Variants in ZMYND11 observed in about 807,000 individuals in gnomAD.
ZMYND11 encodes zinc finger MYND domain-containing protein 11.
Under a neutral mutation model 84.9 loss-of-function variants are expected in ZMYND11, and 9 were observed. That is an observed-to-expected ratio of 0.11 (90% CI 0.06 to 0.18). The LOEUF (loss-of-function observed/expected upper bound fraction) is 0.18, where lower values mean the gene tolerates loss of function less well. Among genes scored for constraint, ZMYND11 ranks in the 10% least tolerant of loss-of-function variants. The pLI, the probability that ZMYND11 is intolerant of heterozygous loss-of-function variation, is 1.00. For missense variants in ZMYND11, 409 were observed against 761.0 expected (o/e 0.54, Z 5.44); for synonymous variants, 250 against 244.1 (o/e 1.02, Z -0.23).
chr10:169,193 C>T (rs1237773408), intron 1 of ZMYND11, among the ~76,000 whole-genome samples: 1 of 152,070 alleles, frequency 6.6e-6, no homozygotes, highest in African/African-American at 2.4e-5. Flanking sequence ...GCTTCAACCC[C>T]CTCCAGTCAT....
chr10:206,771 A>G (rs1944246893), intron 2 of ZMYND11, among the ~76,000 whole-genome samples: 1 of 152,124 alleles, frequency 6.6e-6, no homozygotes, highest in Non-Finnish European at 1.5e-5. Context: ...TTATCACTTT[A>G]TCACTACGTA....
Position 204,929 on chromosome 10 carries a change from A to T in ZMYND11, c.117-4960A>T, listed in dbSNP as rs138806235. On this transcript the variant is annotated intron_variant, in intron 2 of 14. Coordinates refer to ENST00000381604, the MANE Select transcript of ZMYND11 (RefSeq NM_001370100.5). ...TTCAAATATTTTATGTAGGATTTTT[A>T]TATCACTATTTCTACAGGTCACTGA... Among the ~76,000 whole-genome samples the T allele has an allele frequency of 9.4e-3, 1,422 of 151,840 alleles. 17 individuals are homozygous for T. The highest frequency in any genetic ancestry group is 0.012 in the Non-Finnish European group (830 of 67,924).
At chr10:199,929 A>G (rs948016421) in intron 2 of ZMYND11, among the ~76,000 whole-genome samples, 1 of 151,442 alleles carries the variant, frequency 6.6e-6, no homozygotes, top group Non-Finnish European at 1.5e-5. Flanking sequence ...CAGTGGTGTG[A>G]TCACGACTCA....
chr10:223,446 CCTTT>C (rs1473668454), intron 4 of ZMYND11, among the ~76,000 whole-genome samples: 8 of 152,216 alleles, frequency 5.3e-5, no homozygotes, highest in South Asian at 4.1e-4. Context: ...CTTCTCTTTT[CCTTT>C]CTTTTTGCCT....
intron 4 of ZMYND11, among the ~76,000 whole-genome samples, chr10:236,182 A>T (rs776215805): frequency 6.6e-6 from 1 of 152,222 alleles, no homozygotes; most frequent in Non-Finnish European, 1.5e-5. Flanking sequence ...GACTTTGACT[A>T]AGGAAATAGG....
At position 237,536 on chromosome 10, in the gene ZMYND11, C is replaced by T. The variant is rs560230887; in HGVS notation, c.517-49C>T. ...TTGAGCTTTAGGAATTGATGTCTTACCTGCCTTCCTTTAACCACATTTAAA... is the reference window on the plus strand; with the variant it reads ...TTGAGCTTTAGGAATTGATGTCTTATCTGCCTTCCTTTAACCACATTTAAA... On this transcript the variant is annotated intron_variant, in intron 5 of 14. Coordinates refer to ENST00000381604, the MANE Select transcript of ZMYND11 (RefSeq NM_001370100.5). 19 of 1,179,810 alleles carry T rather than the reference C, an allele frequency of 1.6e-5. No homozygotes were observed. In the Admixed American group the frequency reaches 3.0e-4, roughly 19 times the overall value. The allele number at this position is 1,179,810 out of a possible 1,614,324, so 73.1% of individuals were successfully genotyped here.
At chr10:141,374 A>AT (rs1268091875) in intron 1 of ZMYND11, among the ~76,000 whole-genome samples, 1 of 152,310 alleles carries the variant, frequency 6.6e-6, no homozygotes, top group East Asian at 1.9e-4. Flanking sequence ...AGAGTAACAC[A>AT]TTTACTGAAG....
intron 2 of ZMYND11, among the ~76,000 whole-genome samples, chr10:182,811 A>G (rs1463975281): frequency 1.3e-5 from 2 of 152,182 alleles, no homozygotes; most frequent in African/African-American, 4.8e-5. Flanking sequence ...GCATTATGGC[A>G]GGAAGTCAGA....
chr10:140,583 AC>A, intron 1 of ZMYND11, among the ~76,000 whole-genome samples: 1 of 152,370 alleles, frequency 6.6e-6, no homozygotes, highest in South Asian at 2.1e-4. Context: ...TCAAAAAATA[AC>A]CTAATTAGAT....
intron 4 of ZMYND11, among the ~76,000 whole-genome samples, chr10:224,649 C>T (rs1344134860): frequency 1.3e-5 from 2 of 152,088 alleles, no homozygotes; most frequent in Non-Finnish European, 2.9e-5. Context: ...GTGTGTGTGT[C>T]ATTTTGTTTG....
At position 252,217 on chromosome 10, in the gene ZMYND11, G is replaced by A. The variant is rs1253638391; in HGVS notation, c.1687-131G>A. On this transcript the variant is annotated intron_variant, in intron 14 of 14. Transcript: ENST00000381604. The surrounding 1 kb of genome is among the most constrained non-coding windows in gnomAD (Gnocchi z 4.6). ...CCTTTCCATCTGCTGTGCATAAAACGTATTCAGATTCCACAAAAGGTTGAG... is the reference window on the plus strand; with the variant it reads ...CCTTTCCATCTGCTGTGCATAAAACATATTCAGATTCCACAAAAGGTTGAG... 5.2e-6 allele frequency: 6 copies of A among 1,143,892 alleles called. No homozygotes were observed. The highest frequency in any genetic ancestry group is 1.6e-5 in the African/African-American group (1 of 64,064). The allele number at this position is 1,143,892 out of a possible 1,614,324, so 70.9% of individuals were successfully genotyped here.
At chr10:135,335 C>T (rs1274098311), upstream of ZMYND11, 2 of 150,916 alleles carry the variant, frequency 1.3e-5, no homozygotes, top group Admixed American at 6.6e-5. This position sits in a 1 kb window ranked among gnomAD's most constrained non-coding sequence, Gnocchi z 5.6. Context: ...CCCCTCGAGC[C>T]CGGAGCCCTT....
upstream of ZMYND11, chr10:135,124 C>T (rs1330563144): frequency 6.6e-6 from 1 of 150,490 alleles, no homozygotes; most frequent in Non-Finnish European, 1.5e-5. The surrounding 1 kb of genome is among the most constrained non-coding windows in gnomAD (Gnocchi z 5.6). Flanking sequence ...CGCGGGGACC[C>T]AACTTTCCCG....
chr10:139,847 G>A (rs1363368722), intron 1 of ZMYND11, among the ~76,000 whole-genome samples: 1 of 151,830 alleles, frequency 6.6e-6, no homozygotes, highest in African/African-American at 2.4e-5. Flanking sequence ...AAGTAGCTGG[G>A]ACTACAGGCA....
At chr10:207,230 G>A (rs1167966800) in intron 2 of ZMYND11, among the ~76,000 whole-genome samples, 1 of 152,114 alleles carries the variant, frequency 6.6e-6, no homozygotes, top group Non-Finnish European at 1.5e-5. Context: ...TCTTAATCCA[G>A]TCTATCACTC....
chr10:239,592 A>G (rs1950549297), intron 7 of ZMYND11, 67 bp downstream of exon 7: 7 of 1,091,896 alleles, frequency 6.4e-6, no homozygotes, highest in Non-Finnish European at 9.6e-6. Flanking sequence ...GTTGAACACT[A>G]TCTTTTATAA....
chr10:227,003 C>T (rs369424630), intron 4 of ZMYND11, among the ~76,000 whole-genome samples: 11 of 152,204 alleles, frequency 7.2e-5, no homozygotes, highest in African/African-American at 2.4e-4. Context: ...TTAAGGATCA[C>T]AAGTTTTAAA....
At chr10:230,302 G>C (rs1169657003) in intron 4 of ZMYND11, among the ~76,000 whole-genome samples, 2 of 151,740 alleles carry the variant, frequency 1.3e-5, no homozygotes, top group Admixed American at 6.6e-5. Flanking sequence ...GTGAAACTCT[G>C]TCTCTACTAA....
intron 2 of ZMYND11, among the ~76,000 whole-genome samples, chr10:205,760 C>G (rs1182077043): frequency 6.6e-6 from 1 of 150,724 alleles, no homozygotes; most frequent in African/African-American, 2.4e-5. Flanking sequence ...ATTGCTTTAG[C>G]TTTTCATTTA....
Sources: gnomAD v4.1 joint callset for allele counts (sites outside exome capture counted in the v4.1 genomes callset) on GRCh38, gnomAD v4.1.1 for gene constraint, Gnocchi (gnomAD v3.1) non-coding constraint, MANE v1.5 for transcripts, NCBI Gene and HGNC (gene_info 2026-07-23, HGNC 2026-07-21) for gene names.